CA5B: variants seen among roughly 807,000 people sequenced by gnomAD.
CA5B encodes the protein carbonic anhydrase 5B, mitochondrial.
Under a neutral mutation model 23.1 loss-of-function variants are expected in CA5B, and 15 were observed. That is an observed-to-expected ratio of 0.65 (90% CI 0.43 to 1.00). The LOEUF is 1.00. Ranked by LOEUF, CA5B falls within the 50% of genes least tolerant of loss-of-function variation. CA5B has a pLI of 0.00. For synonymous variants in CA5B, 84 were observed against 98.5 expected, an observed-to-expected ratio of 0.85 and a Z score of 0.87; for missense variants, 236 against 252.2, an observed-to-expected ratio of 0.94 and a Z score of 0.43.
chrX:15,778,912 C>T (rs913601744), intron 7 of CA5B, among the ~76,000 whole-genome samples: 5 of 110,674 alleles, frequency 4.5e-5, no homozygotes, highest in Non-Finnish European at 5.7e-5. Flanking sequence ...TGGGTAGGGA[C>T]ACAGGGCCAA....
chrX:15,769,083 A>G (rs942528413), intron 3 of CA5B, among the ~76,000 whole-genome samples: 4 of 111,806 alleles, frequency 3.6e-5, no homozygotes, highest in East Asian at 5.6e-4. Flanking sequence ...AGAACAAACT[A>G]AACCCAAAAG....
chrX:15,751,890 C>T (rs977021882), intron 2 of CA5B, among the ~76,000 whole-genome samples: 4 of 111,782 alleles, frequency 3.6e-5, no homozygotes, highest in Non-Finnish European at 7.5e-5. Flanking sequence ...CTCATTGTTT[C>T]TGACAGCTCA....
rs139371875 is a variant in CA5B at position 15,745,366 on chromosome X, T to C, written c.-53-4605T>C. 5.5e-3 allele frequency among the ~76,000 whole-genome samples: 608 copies of C among 110,667 alleles called. 4 individuals are homozygous for C. Among genetic ancestry groups the C allele is most frequent in the Non-Finnish European group, 9.9e-3 (522 of 52,881 alleles). ...GGGCTAAGGGATAGAGGAGGAGTTA[T>C]TGTTTAGTGAGTACATAGTTTATGT... On this transcript the variant is annotated intron_variant, in intron 1 of 7. Coordinates refer to ENST00000318636, the MANE Select transcript of CA5B (RefSeq NM_007220.4).
intron 2 of CA5B, among the ~76,000 whole-genome samples, chrX:15,762,253 G>A (rs1294863291): frequency 7.5e-5 from 8 of 106,395 alleles, no homozygotes; most frequent in African/African-American, 2.4e-4. Flanking sequence ...CTGGGAGACA[G>A]AGCAAGACTC....
intron 2 of CA5B, among the ~76,000 whole-genome samples, chrX:15,761,228 G>A (rs184087992): frequency 9.0e-4 from 101 of 111,784 alleles, no homozygotes; most frequent in African/African-American, 3.2e-3. Context: ...TACATATGCA[G>A]ATTTGTTACA....
At chrX:15,742,339 C>G (rs1056328842) in intron 1 of CA5B, among the ~76,000 whole-genome samples, 3 of 109,178 alleles carry the variant, frequency 2.7e-5, no homozygotes, top group African/African-American at 1.0e-4. Context: ...AGGCAATTTT[C>G]AACAGGACAT....
intron 1 of CA5B, among the ~76,000 whole-genome samples, chrX:15,749,664 CTG>C (rs1490990784): frequency 9.2e-6 from 1 of 109,125 alleles, no homozygotes; most frequent in African/African-American, 3.3e-5. Context: ...TTTTAAGAAA[CTG>C]TACTGTAAAC....
chrX:15,776,134 C>T (rs911699285), intron 6 of CA5B: 29 of 348,139 alleles, frequency 8.3e-5, no homozygotes, highest in South Asian at 1.5e-4. Flanking sequence ...GTCAGGAGAT[C>T]GAGACTGTCC....
intron 4 of CA5B, among the ~76,000 whole-genome samples, chrX:15,772,839 G>T (rs746585386): frequency 8.9e-6 from 1 of 112,176 alleles, no homozygotes; most frequent in Non-Finnish European, 1.9e-5. Flanking sequence ...GAATTCTTCT[G>T]GAATTCGAAA....
intron 3 of CA5B, among the ~76,000 whole-genome samples, chrX:15,769,207 AAAAT>A (rs1195119619): frequency 9.0e-6 from 1 of 111,717 alleles, no homozygotes; most frequent in Non-Finnish European, 1.9e-5. Context: ...GACCAAGAAA[AAAAT>A]AAAAGAAGAC....
At chrX:15,753,410 G>C (rs1483951964) in intron 2 of CA5B, among the ~76,000 whole-genome samples, 3 of 111,977 alleles carry the variant, frequency 2.7e-5, no homozygotes, top group Non-Finnish European at 5.6e-5. Flanking sequence ...TAGAAGCCAA[G>C]GTTCTTGTTA....
intron 3 of CA5B, among the ~76,000 whole-genome samples, chrX:15,768,103 G>T (rs1931749032): frequency 9.1e-6 from 1 of 109,521 alleles, no homozygotes; most frequent in Admixed American, 9.8e-5. Context: ...CACCATGTTG[G>T]CCAGGCTGGT....
chrX:15,775,695 A>G lies in CA5B; in HGVS notation c.618+387A>G, dbSNP rs186427958. ...GCCTTGTCCAGCTAGAAAGAACAGT[A>G]ATCCACATCCTTCAGGTCGGATGCC... On this transcript the variant is annotated intron_variant, in intron 6 of 7. Coordinates refer to ENST00000318636, the MANE Select transcript of CA5B (RefSeq NM_007220.4). The G allele has an allele frequency of 7.1e-4, 535 of 758,377 alleles. 3 individuals are homozygous for G. The East Asian group carries it at 8.9e-3, about 13-fold the overall frequency. The allele number at this position is 758,377 out of a possible 1,213,427, so 62.5% of individuals were successfully genotyped here. A position where few individuals can be genotyped will look rare whatever the true frequency, so the allele number is the denominator to read the frequency against.
rs1488785554 is a variant in CA5B at position 15,786,338 on chromosome X, T to C, written c.*3674T>C. ...ACTTTGAACCATGTCCTGGTTTGCA[T>C]GGCCAGCTTCCCTGCAGAGGTGATA... is the stretch of plus-strand genomic sequence containing the variant. On this transcript the variant is annotated 3_prime_UTR_variant, in exon 8 of 8. Transcript: ENST00000318636. The C allele has an allele frequency of 4.5e-5, 5 of 111,613 alleles. No individual in the cohort carries two copies. The highest frequency in any genetic ancestry group is 9.4e-5 in the Non-Finnish European group (5 of 53,143). 9.2% of individuals were successfully genotyped at this position (111,613 alleles called of 1,213,427 possible). A position where few individuals can be genotyped will look rare whatever the true frequency, so the allele number is the denominator to read the frequency against.
At chrX:15,776,338 C>CAAAAAAAAAAA (rs1204466142) in intron 6 of CA5B, among the ~76,000 whole-genome samples, 1 of 43,648 alleles carries the variant, frequency 2.3e-5, no homozygotes, top group East Asian at 6.8e-4. Context: ...GACTCTGTCT[C>CAAAAAAAAAAA]AAAAAAAAAA....
chrX:15,764,282 G>A (rs971454339), intron 2 of CA5B, among the ~76,000 whole-genome samples: 3 of 107,008 alleles, frequency 2.8e-5, no homozygotes, highest in Non-Finnish European at 5.8e-5. Context: ...TGGGTCTGTT[G>A]CCCAGGCTGG....
chrX:15,782,245 C>A (rs1340114619), intron 7 of CA5B, among the ~76,000 whole-genome samples: 1 of 112,031 alleles, frequency 8.9e-6, no homozygotes, highest in Non-Finnish European at 1.9e-5. Context: ...TCCCAAGTGC[C>A]CTCCTGGTTT....
chrX:15,753,040 C>T lies in CA5B; in HGVS notation c.142+2875C>T, dbSNP rs776864588. ...GCTGTCCCGCCTTTCTGGACCAAAC[C>T]AATGCATTTCTTAAATGTATTTGAT... On this transcript the variant is annotated intron_variant, in intron 2 of 7. Coordinates refer to ENST00000318636, the MANE Select transcript of CA5B (RefSeq NM_007220.4). 6.3e-5 allele frequency among the ~76,000 whole-genome samples: 7 copies of T among 111,512 alleles called. No homozygotes were observed. The East Asian group carries it at 2.0e-3, about 32-fold the overall frequency.
rs1180503261 is a variant in CA5B at position 15,787,101 on chromosome X, C to T, written c.*4437C>T. ...TGATGGAGTCTTGATTGTACGTGCC[C>T]CACTTGCACCACAGCCTGCCTTGGG... On this transcript the variant is annotated 3_prime_UTR_variant, in exon 8 of 8. Transcript: ENST00000318636. 8.9e-6 allele frequency: 1 copy of T among 111,891 alleles called. No individual in the cohort carries two copies. The highest frequency in any genetic ancestry group is 3.3e-5 in the African/African-American group (1 of 30,766). 9.2% of individuals were successfully genotyped at this position (111,891 alleles called of 1,213,427 possible).
Sources: gnomAD v4.1 joint callset for allele counts (sites outside exome capture counted in the v4.1 genomes callset) on GRCh38, gnomAD v4.1.1 for gene constraint, MANE v1.5 for transcripts, NCBI Gene and HGNC (gene_info 2026-07-23, HGNC 2026-07-21) for gene names.